The following PHF24 variants were observed in gnomAD, a reference collection of about 807,000 sequenced individuals.
PHF24 encodes PHD finger protein 24.
In PHF24, 25 loss-of-function variants were observed where a neutral mutation model predicts 42.6. The observed-to-expected ratio is 0.59, with a 90% CI of 0.43 to 0.82. PHF24 has a LOEUF of 0.82. Ranked by LOEUF, PHF24 falls within the 40% of genes least tolerant of loss-of-function variation. The probability of loss-of-function intolerance (pLI) is 0.00; values close to 1 mark genes in which losing one functional copy is unlikely to be tolerated. For missense variants in PHF24, 470 were observed against 538.1 expected (o/e 0.87, Z 1.25); for synonymous variants, 185 against 204.8 (o/e 0.90, Z 0.83).
chr9:34,674,335 A>G, the PHF24 span, among the ~76,000 whole-genome samples: 1 of 152,020 alleles, frequency 6.6e-6, no homozygotes, highest in Non-Finnish European at 1.5e-5. Flanking sequence ...TTCTCTGACC[A>G]TCTTTCAATG....
the PHF24 span, among the ~76,000 whole-genome samples, chr9:34,915,034 T>A: frequency 1.4e-5 from 2 of 138,382 alleles, no homozygotes; most frequent in Admixed American, 1.4e-4. Flanking sequence ...TTCTTTTTTT[T>A]TTTTTTTTTT....
chr9:34,796,161 G>T, the PHF24 span, among the ~76,000 whole-genome samples: 1 of 151,838 alleles, frequency 6.6e-6, no homozygotes, highest in African/African-American at 2.4e-5. Context: ...ATATACATGT[G>T]GTCATCCATA....
At chr9:34,676,203 G>T in the PHF24 span, among the ~76,000 whole-genome samples, 1 of 152,188 alleles carries the variant, frequency 6.6e-6, no homozygotes, top group Non-Finnish European at 1.5e-5. Flanking sequence ...GGCTGAAGAA[G>T]TGGCGCAGAT....
At chr9:34,904,758 T>G in the PHF24 span, among the ~76,000 whole-genome samples, 1 of 137,108 alleles carries the variant, frequency 7.3e-6, no homozygotes, top group Non-Finnish European at 1.6e-5. Flanking sequence ...TAGGGAGGGT[T>G]CCTTCTTTCT....
the PHF24 span, among the ~76,000 whole-genome samples, chr9:34,701,364 G>T: frequency 2.6e-5 from 4 of 152,194 alleles, no homozygotes; most frequent in Admixed American, 2.6e-4. This position sits in a 1 kb window ranked among gnomAD's most constrained non-coding sequence, Gnocchi z 5.8. Flanking sequence ...AACTGTGTCT[G>T]TGGGGCTCTG....
the PHF24 span, among the ~76,000 whole-genome samples, chr9:34,718,470 G>A: frequency 5.9e-5 from 9 of 152,210 alleles, no homozygotes; most frequent in Admixed American, 2.0e-4. Context: ...CCTGCTTTGT[G>A]CTTACCTCTC....
At chr9:34,727,802 T>C in the PHF24 span, among the ~76,000 whole-genome samples, 2 of 152,238 alleles carry the variant, frequency 1.3e-5, no homozygotes, top group Non-Finnish European at 2.9e-5. Context: ...ATTGTAGAAC[T>C]GCTGTTACCC....
At chr9:34,787,140 C>T in the PHF24 span, among the ~76,000 whole-genome samples, 1 of 152,082 alleles carries the variant, frequency 6.6e-6, no homozygotes, top group African/African-American at 2.4e-5. Context: ...GGGACATTTA[C>T]ACCCGGTATT....
the PHF24 span, among the ~76,000 whole-genome samples, chr9:34,879,079 G>A: frequency 2.0e-5 from 3 of 152,184 alleles, no homozygotes; most frequent in African/African-American, 7.2e-5. Context: ...CTCCGCTGGT[G>A]ATACCCAGGC....
the PHF24 span, among the ~76,000 whole-genome samples, chr9:34,701,429 A>C: frequency 2.0e-5 from 3 of 152,092 alleles, no homozygotes; most frequent in Admixed American, 2.0e-4. The surrounding 1 kb of genome is among the most constrained non-coding windows in gnomAD (Gnocchi z 5.8). Context: ...GTGCCCATGC[A>C]TCTCCCTTCC....
At chr9:34,924,599 T>C in the PHF24 span, among the ~76,000 whole-genome samples, 2 of 152,226 alleles carry the variant, frequency 1.3e-5, no homozygotes, top group African/African-American at 4.8e-5. Context: ...CTACTCCTGC[T>C]CTTTTTTGGT....
At chr9:34,897,450 G>GTGA in the PHF24 span, among the ~76,000 whole-genome samples, 1 of 152,184 alleles carries the variant, frequency 6.6e-6, no homozygotes, top group Non-Finnish European at 1.5e-5. Context: ...TCTGTTTGGG[G>GTGA]TGATGAATAC....
At chr9:34,752,917 C>G in the PHF24 span, among the ~76,000 whole-genome samples, 1 of 152,082 alleles carries the variant, frequency 6.6e-6, no homozygotes, top group Non-Finnish European at 1.5e-5. Context: ...ATCATATCAA[C>G]AGAATGAAGG....
At chr9:34,908,132 C>T in the PHF24 span, among the ~76,000 whole-genome samples, 2 of 152,190 alleles carry the variant, frequency 1.3e-5, no homozygotes, top group African/African-American at 4.8e-5. Context: ...TGAGCTGCCA[C>T]ACCCGGCCTC....
chr9:34,936,633 T>C, the PHF24 span, among the ~76,000 whole-genome samples: 2 of 151,068 alleles, frequency 1.3e-5, no homozygotes, highest in African/African-American at 2.4e-5. Flanking sequence ...GGAGCGCCTC[T>C]TCCCGGCCGC....
At chr9:34,831,683 C>G in the PHF24 span, among the ~76,000 whole-genome samples, 2 of 152,170 alleles carry the variant, frequency 1.3e-5, no homozygotes, top group South Asian at 4.1e-4. Context: ...CACAGGTACT[C>G]TGACCTCCAA....
chr9:34,829,187 A>G, the PHF24 span, among the ~76,000 whole-genome samples: 1 of 152,194 alleles, frequency 6.6e-6, no homozygotes, highest in African/African-American at 2.4e-5. Flanking sequence ...TTCAAGAATG[A>G]CACTATTGTT....
the PHF24 span, among the ~76,000 whole-genome samples, chr9:34,716,452 G>A: frequency 6.6e-6 from 1 of 152,226 alleles, no homozygotes; most frequent in African/African-American, 2.4e-5. Flanking sequence ...TTTGGATTAA[G>A]AGTGAGGAGA....
the PHF24 span, among the ~76,000 whole-genome samples, chr9:34,931,886 C>T: frequency 6.6e-6 from 1 of 152,138 alleles, no homozygotes; most frequent in Non-Finnish European, 1.5e-5. Context: ...GAAAAGAGGG[C>T]AAGAGGCTAA....
Sources: gnomAD v4.1 joint callset for allele counts (sites outside exome capture counted in the v4.1 genomes callset) on GRCh38, gnomAD v4.1.1 for gene constraint, Gnocchi (gnomAD v3.1) non-coding constraint, MANE v1.5 for transcripts, NCBI Gene and HGNC (gene_info 2026-07-23, HGNC 2026-07-21) for gene names.